The following SCFD2 variants were observed in gnomAD, a reference collection of about 807,000 sequenced individuals.
SCFD2 encodes sec1 family domain-containing protein 2.
SCFD2 carries 54 observed loss-of-function variants against 58.9 expected under a neutral mutation model. The ratio of observed to expected loss-of-function variants is 0.92; its 90% CI spans 0.74 to 1.15. The LOEUF is 1.15. Among genes scored for constraint, SCFD2 ranks in the 50% most tolerant of loss-of-function variants. SCFD2 has a pLI of 0.00. For missense variants in SCFD2, 805 were observed against 836.6 expected (o/e 0.96, Z 0.47); for synonymous variants, 321 against 335.9 (o/e 0.96, Z 0.49).
chr4:53,040,150 T>C (rs1161632055), intron 5 of SCFD2, among the ~76,000 whole-genome samples: 4 of 152,138 alleles, frequency 2.6e-5, no homozygotes, highest in Non-Finnish European at 5.9e-5. Context: ...AAACTTCTTT[T>C]TGAGTTGAAT....
chr4:52,885,022 G>A (rs939161588), intron 8 of SCFD2, among the ~76,000 whole-genome samples: 1 of 152,174 alleles, frequency 6.6e-6, no homozygotes, highest in Non-Finnish European at 1.5e-5. Context: ...AAAGGCAGAG[G>A]CAGGATTGGA....
At chr4:53,045,754 T>C (rs1360319588) in intron 5 of SCFD2, among the ~76,000 whole-genome samples, 1 of 152,196 alleles carries the variant, frequency 6.6e-6, no homozygotes, top group Non-Finnish European at 1.5e-5. Context: ...TGAATTAATC[T>C]ACCAATTATT....
At chr4:53,225,203 C>T (rs541386329) in intron 4 of SCFD2, among the ~76,000 whole-genome samples, 9 of 152,188 alleles carry the variant, frequency 5.9e-5, no homozygotes, top group Non-Finnish European at 1.0e-4. Context: ...TGCCAAAGTG[C>T]TTTGACAAAA....
intron 2 of SCFD2, among the ~76,000 whole-genome samples, chr4:53,337,302 G>T (rs1371913831): frequency 6.6e-6 from 1 of 152,090 alleles, no homozygotes; most frequent in Admixed American, 6.5e-5. Context: ...GTCAGAATTG[G>T]ATTAGGGCCT....
chr4:53,233,108 C>T (rs1172247117), intron 4 of SCFD2, among the ~76,000 whole-genome samples: 1 of 152,064 alleles, frequency 6.6e-6, no homozygotes, highest in Non-Finnish European at 1.5e-5. Context: ...ACCTAAATGC[C>T]CTGTGAACAG....
chr4:53,136,769 G>A (rs1336001499), intron 5 of SCFD2, among the ~76,000 whole-genome samples: 2 of 152,184 alleles, frequency 1.3e-5, no homozygotes, highest in South Asian at 2.1e-4. Flanking sequence ...ACTTGACTCC[G>A]AATCCTGTGC....
chr4:53,246,340 A>G (rs1730071808), intron 4 of SCFD2, among the ~76,000 whole-genome samples: 1 of 152,242 alleles, frequency 6.6e-6, no homozygotes, highest in Admixed American at 6.5e-5. Context: ...ACTAGAAAAC[A>G]CTATTTTAAA....
chr4:53,127,804 C>T (rs1339042044), intron 5 of SCFD2, among the ~76,000 whole-genome samples: 1 of 152,088 alleles, frequency 6.6e-6, no homozygotes, highest in Non-Finnish European at 1.5e-5. Context: ...GGAAAAATGA[C>T]CTTCTGCTGC....
chr4:53,129,282 G>A (rs1248850672), intron 5 of SCFD2, among the ~76,000 whole-genome samples: 1 of 151,896 alleles, frequency 6.6e-6, no homozygotes, highest in African/African-American at 2.4e-5. Flanking sequence ...TAGAGAAAGG[G>A]GCTTCATTTT....
rs1179620864 is a variant in SCFD2 at position 53,010,265 on chromosome 4, T to C, written c.1562-89395A>G. Among the ~76,000 whole-genome samples, 10 of 152,318 alleles carry C rather than the reference T, an allele frequency of 6.6e-5. 1 individual carries two copies. The highest frequency in any genetic ancestry group is 2.2e-4 in the African/African-American group (9 of 41,542). On this transcript the variant is annotated intron_variant, in intron 5 of 8. Transcript: ENST00000401642. ...TTATTCCTGACAGCTTCGCAATTACTCTACATTTACAGGTACTTTCTTCGA... is the reference window on the plus strand; with the variant it reads ...TTATTCCTGACAGCTTCGCAATTACCCTACATTTACAGGTACTTTCTTCGA...
chr4:53,307,944 T>G (rs532324555), intron 3 of SCFD2, among the ~76,000 whole-genome samples: 1 of 152,284 alleles, frequency 6.6e-6, no homozygotes, highest in East Asian at 1.9e-4. Flanking sequence ...CCTCTAGCCT[T>G]GAGGTTTCCC....
chr4:53,065,682 A>AT (rs1051933695), intron 5 of SCFD2, among the ~76,000 whole-genome samples: 4 of 152,052 alleles, frequency 2.6e-5, no homozygotes, highest in African/African-American at 9.6e-5. Flanking sequence ...AAAAATGATA[A>AT]TTTTTTTCCC....
intron 5 of SCFD2, among the ~76,000 whole-genome samples, chr4:52,942,262 G>C (rs1459957201): frequency 6.6e-6 from 1 of 152,202 alleles, no homozygotes; most frequent in Admixed American, 6.5e-5. Flanking sequence ...TAGCTTTTTA[G>C]TTTTTAGCCA....
intron 5 of SCFD2, among the ~76,000 whole-genome samples, chr4:53,100,332 C>G (rs908843290): frequency 6.6e-6 from 1 of 152,070 alleles, no homozygotes; most frequent in African/African-American, 2.4e-5. Flanking sequence ...TGTCTGGCAC[C>G]TAGTGATGGT....
chr4:53,013,589 A>T (rs1456866618), intron 5 of SCFD2, among the ~76,000 whole-genome samples: 1 of 152,170 alleles, frequency 6.6e-6, no homozygotes, highest in Non-Finnish European at 1.5e-5. Context: ...ATTTCTGTCA[A>T]AACTACTCAT....
intron 5 of SCFD2, among the ~76,000 whole-genome samples, chr4:53,139,107 G>A (rs559464805): frequency 6.6e-6 from 1 of 152,196 alleles, no homozygotes; most frequent in Non-Finnish European, 1.5e-5. Context: ...CTGACCGCAA[G>A]TGATCTGCCA....
chr4:52,924,692 A>G (rs1239246087), intron 5 of SCFD2, among the ~76,000 whole-genome samples: 1 of 152,170 alleles, frequency 6.6e-6, no homozygotes, highest in Non-Finnish European at 1.5e-5. Flanking sequence ...AAGGATTTAC[A>G]TTTATTTTCC....
chr4:53,180,409 A>C (rs1369793938), intron 4 of SCFD2, among the ~76,000 whole-genome samples: 2 of 152,198 alleles, frequency 1.3e-5, no homozygotes, highest in African/African-American at 2.4e-5. Flanking sequence ...CTACTGGGTA[A>C]ATAATGAAAT....
chr4:52,916,757 T>C (rs1719619621), intron 6 of SCFD2, among the ~76,000 whole-genome samples: 1 of 152,180 alleles, frequency 6.6e-6, no homozygotes, highest in Non-Finnish European at 1.5e-5. Flanking sequence ...CCTTTCTGTG[T>C]AGCCCATGTC....
Sources: gnomAD v4.1 joint callset for allele counts (sites outside exome capture counted in the v4.1 genomes callset) on GRCh38, gnomAD v4.1.1 for gene constraint, MANE v1.5 for transcripts, NCBI Gene and HGNC (gene_info 2026-07-23, HGNC 2026-07-21) for gene names.